RNF168: variants seen among roughly 807,000 people sequenced by gnomAD.
RNF168 encodes the protein ring finger protein 168.
In RNF168, 34 loss-of-function variants were observed where a neutral mutation model predicts 34.9. That is an observed-to-expected ratio of 0.97 (90% CI 0.74 to 1.30). The LOEUF (loss-of-function observed/expected upper bound fraction) is 1.30. Ranked by LOEUF, RNF168 falls within the 50% of genes most tolerant of loss-of-function variation. The pLI is 0.00. For synonymous variants in RNF168, 264 were observed against 254.7 expected, an observed-to-expected ratio of 1.04 and a Z score of -0.35; for missense variants, 725 against 682.5, an observed-to-expected ratio of 1.06 and a Z score of -0.69.
At chr3:196,496,259 AG>A (rs1441893152) in intron 1 of RNF168, among the ~76,000 whole-genome samples, 1 of 152,202 alleles carries the variant, frequency 6.6e-6, no homozygotes, top group Non-Finnish European at 1.5e-5. Context: ...TCTGGCTAAA[AG>A]TCCAAAATAA....
At chr3:196,490,032 C>A (rs1435961563) in intron 1 of RNF168, among the ~76,000 whole-genome samples, 1 of 152,202 alleles carries the variant, frequency 6.6e-6, no homozygotes, top group Non-Finnish European at 1.5e-5. Flanking sequence ...GCCAGGTTTC[C>A]ATCGGCTTGA....
At chr3:196,496,182 A>G (rs1291906061) in intron 1 of RNF168, among the ~76,000 whole-genome samples, 1 of 152,216 alleles carries the variant, frequency 6.6e-6, no homozygotes, top group African/African-American at 2.4e-5. Flanking sequence ...TTAGTTTCTT[A>G]GGGCCACCAT....
chr3:196,491,291 C>A (rs559096501), intron 1 of RNF168, among the ~76,000 whole-genome samples: 1 of 151,440 alleles, frequency 6.6e-6, no homozygotes, highest in African/African-American at 2.4e-5. Flanking sequence ...CCAGCCTGGA[C>A]GACAGAGGGA....
In RNF168 at chr3:196,503,369, A is replaced by T; in HGVS notation, c.-196T>A. On this transcript the variant is annotated 5_prime_UTR_variant, in exon 1 of 6. Coordinates refer to ENST00000318037, the MANE Select transcript of RNF168 (RefSeq NM_152617.4). ...CTCTCAGGGTCAGGCAAACAGGAATACCCCGGAGGGCGGCGTCTTTGTCCA... is the reference window on the plus strand; with the variant it reads ...CTCTCAGGGTCAGGCAAACAGGAATTCCCCGGAGGGCGGCGTCTTTGTCCA... The T allele has an allele frequency of 1.6e-6, 1 of 611,406 alleles. No individual in the cohort carries two copies. 37.9% of individuals were successfully genotyped at this position (611,406 alleles called of 1,614,324 possible).
chr3:196,501,074 T>C (rs1560278271), intron 1 of RNF168, among the ~76,000 whole-genome samples: 2 of 152,154 alleles, frequency 1.3e-5, no homozygotes, highest in South Asian at 2.1e-4. Context: ...GCACGGAAAA[T>C]AACAAGTGTT....
rs183034339 is a variant in RNF168, at chr3:196,475,445, G to A, written c.681-133C>T. 3.8e-3 allele frequency: 2,612 copies of A among 685,502 alleles called. 14 individuals are homozygous for A. Among genetic ancestry groups the A allele is most frequent in the Middle Eastern group, 0.011 (38 of 3,374 alleles). The allele number at this position is 685,502 out of a possible 1,614,324, so 42.5% of individuals were successfully genotyped here. On this transcript the variant is annotated intron_variant, in intron 4 of 5. Transcript: ENST00000318037. ...TTTTATCAGAGTGTATCTCATTTCC[G>A]TGCTTCAGATATTTTGGTCAATTCC...
Position 196,472,715 on chromosome 3 carries a change from T to C in RNF168, c.820A>G (p.Met274Val), listed in dbSNP as rs752905731. The C allele has an allele frequency of 1.2e-6, 2 of 1,608,068 alleles. No individual in the cohort carries two copies. Among genetic ancestry groups the C allele is most frequent in the Non-Finnish European group, 8.5e-7 (1 of 1,174,800 alleles). Residue 274 changes from methionine to valine, a missense_variant, in exon 6 of 6, where the codon ATG (methionine) becomes GTG (valine). Physicochemically the swap from Met to Val is conservative, Grantham distance 21. Transcript: ENST00000318037. ...GATATCTGTGGAGAAAGTGTCGGCA[T>C]ATCTTCTATTTCTGTGTCTTGCCCT... Reference protein sequence around the residue: ...PTGQDTEIEDMPTLSPQISLG... With the variant: ...PTGQDTEIEDVPTLSPQISLG...
chr3:196,476,363 C>T (rs1732149527), intron 4 of RNF168, among the ~76,000 whole-genome samples: 1 of 151,768 alleles, frequency 6.6e-6, no homozygotes, highest in Non-Finnish European at 1.5e-5. Context: ...TGATTAAATT[C>T]CTTACTATTC....
Position 196,472,310 on chromosome 3 carries a change from T to G in RNF168, c.1225A>C (p.Lys409Gln). 1 of 1,614,112 alleles carries G rather than the reference T, an allele frequency of 6.2e-7. No individual in the cohort carries two copies. Among genetic ancestry groups the G allele is most frequent in the South Asian group, 1.1e-5 (1 of 91,084 alleles). The change falls in exon 6 of 6, where the codon AAA becomes CAA. Residue 409 changes from lysine (K) to glutamine (Q), a missense_variant. Coordinates refer to ENST00000318037, the MANE Select transcript of RNF168 (RefSeq NM_152617.4). ...TCTGGGGAAGATTCGGGGGACACTT[T>G]TCTTCTTTTTGCAGAAAAGCATGGA... The part of the protein sequence containing the change: ...KDPCFSAKRR[K>Q]VSPESSPDQE...
chr3:196,472,272 T>C lies in RNF168; in HGVS notation c.1263A>G (p.Thr421=), dbSNP rs1732026210. The change falls in exon 6 of 6, where the codon ACA becomes ACG. Residue 421 remains threonine, a synonymous_variant. Transcript: ENST00000318037. ...SPESSPDQEE[T]EINFTQKLID... ...TCAGTTTTTGGGTAAAGTTTATTTCTGTTTCCTCTTGATCTGGGGAAGATT... is the reference window on the plus strand; with the variant it reads ...TCAGTTTTTGGGTAAAGTTTATTTCCGTTTCCTCTTGATCTGGGGAAGATT... The C allele has an allele frequency of 1.2e-6, 2 of 1,614,024 alleles. No homozygotes were observed. The highest frequency in any genetic ancestry group is 2.7e-5 in the African/African-American group (2 of 74,946).
chr3:196,497,581 A>G (rs1038704218), intron 1 of RNF168, among the ~76,000 whole-genome samples: 1 of 152,160 alleles, frequency 6.6e-6, no homozygotes, highest in East Asian at 1.9e-4. Context: ...GAGGGAGGAG[A>G]ATCGCTTGAA....
chr3:196,472,827 A>T, intron 5 of RNF168, 55 bp from the exon 6 acceptor site: 1 of 1,046,444 alleles, frequency 9.6e-7, no homozygotes, highest in Non-Finnish European at 1.5e-6. Context: ...AAATCATAAG[A>T]TGTAAGTCTA....
At chr3:196,488,884 C>T (rs1226751765) in intron 1 of RNF168, among the ~76,000 whole-genome samples, 1 of 152,082 alleles carries the variant, frequency 6.6e-6, no homozygotes, top group Non-Finnish European at 1.5e-5. Context: ...CAGAGCCTTG[C>T]TCTGCTGCCC....
In RNF168 at chr3:196,503,737, C is replaced by T. The variant is rs1184008148; in HGVS notation, c.-564G>A. 2 of 162,546 alleles carry T rather than the reference C, an allele frequency of 1.2e-5. No homozygotes were observed. Among genetic ancestry groups the T allele is most frequent in the African/African-American group, 4.8e-5 (2 of 41,498 alleles). The allele number at this position is 162,546 out of a possible 1,614,324, so 10.1% of individuals were successfully genotyped here. A position where few individuals can be genotyped will look rare whatever the true frequency, so the allele number is the denominator to read the frequency against. ...CTCCTACGCAGCCAGAAACCCTATT[C>T]GTTGCGGCAGCGCAGCAGCCACCGG... On this transcript the variant is annotated 5_prime_UTR_variant, in exon 1 of 6. Transcript: ENST00000318037.
rs778500554 is a variant in RNF168 at position 196,488,700 on chromosome 3, A to G, written c.302-17T>C. 1.1e-5 allele frequency: 17 copies of G among 1,544,580 alleles called. No homozygotes were observed. Among genetic ancestry groups the G allele is most frequent in the Non-Finnish European group, 6.3e-6 (7 of 1,117,802 alleles). ...AGTCATCAGCTATTTCATATCAAAA[A>G]AGAAAATAACATTATAGGCAACACA... On this transcript the variant is annotated splice_polypyrimidine_tract_variant and intron_variant, in intron 1 of 5. Transcript: ENST00000318037.
chr3:196,477,305 T>C (rs564073836), intron 4 of RNF168, among the ~76,000 whole-genome samples: 1 of 152,294 alleles, frequency 6.6e-6, no homozygotes, highest in Non-Finnish European at 1.5e-5. Context: ...CAGCTAGCCA[T>C]GGCTTTTAGA....
At chr3:196,494,305 C>T (rs1406633790) in intron 1 of RNF168, among the ~76,000 whole-genome samples, 2 of 152,188 alleles carry the variant, frequency 1.3e-5, no homozygotes, top group South Asian at 2.1e-4. Context: ...AAACCCACTT[C>T]GGTTAAACAT....
At chr3:196,481,391 C>T (rs1390419291) in intron 4 of RNF168, among the ~76,000 whole-genome samples, 2 of 151,360 alleles carry the variant, frequency 1.3e-5, no homozygotes, top group African/African-American at 4.9e-5. Flanking sequence ...GGGCCATGAT[C>T]GCACCACTGC....
intron 1 of RNF168, among the ~76,000 whole-genome samples, chr3:196,499,048 A>G (rs1268507237): frequency 6.6e-6 from 1 of 152,122 alleles, no homozygotes. Flanking sequence ...CCCAAAAGAT[A>G]TGCTTAAGTC....
Sources: allele counts gnomAD v4.1 joint callset (sites outside exome capture counted in the v4.1 genomes callset), GRCh38; gene constraint gnomAD v4.1.1; transcripts MANE v1.5; gene names NCBI Gene and HGNC (gene_info 2026-07-23, HGNC 2026-07-21).